ZFAT: variants seen among roughly 807,000 people sequenced by gnomAD.
ZFAT encodes zinc finger protein ZFAT.
A neutral mutation model predicts 117.7 loss-of-function variants in ZFAT; 64 were observed. That is an observed-to-expected ratio of 0.54 (90% CI 0.44 to 0.67). The LOEUF (loss-of-function observed/expected upper bound fraction) is 0.67. ZFAT is among the 30% of genes least tolerant of loss of function. The pLI, the probability that ZFAT is intolerant of heterozygous loss-of-function variation, is 0.00. For missense variants in ZFAT, 1,433 were observed against 1,584.5 expected (o/e 0.90, Z 1.62); for synonymous variants, 679 against 615.0 (o/e 1.10, Z -1.54).
intron 2 of ZFAT, among the ~76,000 whole-genome samples, chr8:134,640,516 C>A (rs1402763025): frequency 6.6e-6 from 1 of 152,212 alleles, no homozygotes; most frequent in Non-Finnish European, 1.5e-5. Context: ...CTCCCCCAGA[C>A]TGGAGACTCC....
chr8:134,542,669 A>G (rs1223701996), intron 11 of ZFAT, among the ~76,000 whole-genome samples: 1 of 152,228 alleles, frequency 6.6e-6, no homozygotes, highest in Admixed American at 6.5e-5. Context: ...CAGAGCCTTC[A>G]AAGTCTGCCA....
intron 9 of ZFAT, among the ~76,000 whole-genome samples, chr8:134,587,315 A>G (rs887398038): frequency 6.6e-6 from 1 of 151,972 alleles, no homozygotes; most frequent in Non-Finnish European, 1.5e-5. Context: ...GTAGCTTCCA[A>G]CCTTGGAATT....
chr8:134,660,203 G>A (rs1481096686), intron 1 of ZFAT, among the ~76,000 whole-genome samples: 9 of 152,142 alleles, frequency 5.9e-5, no homozygotes, highest in Non-Finnish European at 1.2e-4. Context: ...AACTGAGGCC[G>A]AGAGAGGAAA....
intron 10 of ZFAT, among the ~76,000 whole-genome samples, chr8:134,570,112 A>C (rs867684680): frequency 2.0e-5 from 3 of 151,674 alleles, no homozygotes; most frequent in Non-Finnish European, 2.9e-5. Context: ...CCACGCACCT[A>C]CCTCCGGGCC....
At chr8:134,654,198 G>C (rs928157713) in intron 2 of ZFAT, among the ~76,000 whole-genome samples, 1 of 152,106 alleles carries the variant, frequency 6.6e-6, no homozygotes, top group Non-Finnish European at 1.5e-5. Flanking sequence ...GGGAGGCTGA[G>C]GCAGGAGAAT....
rs549012269 is a variant in ZFAT at position 134,578,308 on chromosome 8, G to T, written c.2887+5524C>A. Among the ~76,000 whole-genome samples, 3 of 151,852 alleles carry T rather than the reference G, an allele frequency of 2.0e-5. No individual in the cohort carries two copies. In the South Asian group the frequency reaches 6.3e-4, roughly 32 times the overall value. On this transcript the variant is annotated intron_variant, in intron 10 of 15. Transcript: ENST00000377838. ...TGCCTGTAATCCCAGCTACTCGGGA[G>T]GCTGAGGCAGGAGAATCGCTTGAAC...
At chr8:134,616,527 A>G (rs994670375) in intron 3 of ZFAT, among the ~76,000 whole-genome samples, 2 of 152,160 alleles carry the variant, frequency 1.3e-5, no homozygotes, top group Admixed American at 6.5e-5. Context: ...TTCAGTTCAC[A>G]TGTATCATGG....
the ZFAT span, chr8:134,804,770 T>C: frequency 1.5e-5 from 7 of 474,626 alleles, no homozygotes; most frequent in South Asian, 1.6e-5. Flanking sequence ...GTCAGTGCAG[T>C]AAAAGAATGC....
At chr8:134,588,823 T>C (rs552999656) in intron 8 of ZFAT, among the ~76,000 whole-genome samples, 1 of 152,108 alleles carries the variant, frequency 6.6e-6, no homozygotes, top group Non-Finnish European at 1.5e-5. Flanking sequence ...CTTGGGGAAA[T>C]TGGGGAAATT....
chr8:134,743,228 C>T, the ZFAT span, among the ~76,000 whole-genome samples: 1 of 152,168 alleles, frequency 6.6e-6, no homozygotes, highest in African/African-American at 2.4e-5. Flanking sequence ...GTGGCTCATG[C>T]CTGTAATCTC....
intron 1 of ZFAT, among the ~76,000 whole-genome samples, chr8:134,670,861 C>T (rs1438610606): frequency 1.3e-5 from 2 of 152,042 alleles, no homozygotes; most frequent in Non-Finnish European, 2.9e-5. Context: ...ACTAGCCACA[C>T]TAATAAAGAA....
At position 134,516,846 on chromosome 8, in the gene ZFAT, C is replaced by A. The variant is rs1194138283; in HGVS notation, c.3234+4037G>T. On this transcript the variant is annotated intron_variant, in intron 13 of 15. Transcript: ENST00000377838. ...TGGCATGCCGGCCTGGGTAGCCAGA[C>A]CCTATCTCTCAAAAAAAACTAAAAA... Among the ~76,000 whole-genome samples the A allele has an allele frequency of 5.1e-5, 5 of 97,660 alleles. No individual in the cohort carries two copies. The East Asian group carries it at 2.1e-3, about 41-fold the overall frequency. 64.1% of individuals were successfully genotyped at this position (97,660 alleles called of 152,430 possible). A position where few individuals can be genotyped will look rare whatever the true frequency, so the allele number is the denominator to read the frequency against.
intron 3 of ZFAT, 57 bp from the exon 4 acceptor site, chr8:134,610,712 G>A: frequency 6.3e-7 from 1 of 1,583,688 alleles, no homozygotes; most frequent in Non-Finnish European, 8.6e-7. Context: ...GGCAGAGTTG[G>A]AGGGTAAACA....
At chr8:134,555,066 A>G (rs1483655727) in intron 11 of ZFAT, among the ~76,000 whole-genome samples, 5 of 152,198 alleles carry the variant, frequency 3.3e-5, no homozygotes, top group South Asian at 2.1e-4. Flanking sequence ...TATTATAGTA[A>G]AAGAATACAA....
chr8:134,641,579 T>G (rs1830584775), intron 2 of ZFAT, among the ~76,000 whole-genome samples: 1 of 152,186 alleles, frequency 6.6e-6, no homozygotes, highest in Non-Finnish European at 1.5e-5. Context: ...CACCACTCCC[T>G]GATTGTTTCG....
At chr8:134,571,071 G>T (rs1824858200) in intron 10 of ZFAT, among the ~76,000 whole-genome samples, 1 of 152,188 alleles carries the variant, frequency 6.6e-6, no homozygotes, top group Admixed American at 6.5e-5. Flanking sequence ...GGGGCTGCTG[G>T]GTGCCAGGAC....
At chr8:134,706,043 T>C (rs1834143410) in intron 1 of ZFAT, among the ~76,000 whole-genome samples, 1 of 152,196 alleles carries the variant, frequency 6.6e-6, no homozygotes, top group Non-Finnish European at 1.5e-5. Context: ...GCAAGCAGAA[T>C]TCTCTGACGT....
chr8:134,786,473 ATT>A, the ZFAT span, among the ~76,000 whole-genome samples: 7 of 152,172 alleles, frequency 4.6e-5, no homozygotes, highest in Admixed American at 2.0e-4. Context: ...TATAACTTGC[ATT>A]TTGCTGGTTC....
the ZFAT span, among the ~76,000 whole-genome samples, chr8:134,779,996 C>T: frequency 6.6e-6 from 1 of 152,162 alleles, no homozygotes; most frequent in Non-Finnish European, 1.5e-5. Context: ...CTCCAACCCC[C>T]ATCTCCCTCC....
Sources: gnomAD v4.1 joint callset for allele counts (sites outside exome capture counted in the v4.1 genomes callset) on GRCh38, gnomAD v4.1.1 for gene constraint, MANE v1.5 for transcripts, NCBI Gene and HGNC (gene_info 2026-07-23, HGNC 2026-07-21) for gene names.